MLPH: variants seen among roughly 807,000 people sequenced by gnomAD.
The protein encoded by MLPH is exophilin-3.
Under a neutral mutation model 72.1 loss-of-function variants are expected in MLPH, and 51 were observed. The observed-to-expected ratio is 0.71, with a 90% CI of 0.56 to 0.89. The LOEUF is 0.89. Ranked by LOEUF, MLPH falls within the 40% of genes least tolerant of loss-of-function variation. The pLI, the probability that MLPH is intolerant of heterozygous loss-of-function variation, is 0.00. For synonymous variants in MLPH, 301 were observed against 310.1 expected (o/e 0.97, Z 0.31); for missense variants, 743 against 759.9 (o/e 0.98, Z 0.26).
At chr2:237,504,297 A>G (rs2079715959) in intron 2 of MLPH, among the ~76,000 whole-genome samples, 1 of 151,816 alleles carries the variant, frequency 6.6e-6, no homozygotes, top group African/African-American at 2.4e-5. Flanking sequence ...GCTCACTGCA[A>G]CCTCCACCTC....
At chr2:237,493,630 G>T (rs921975183) in intron 2 of MLPH, 94 bp downstream of exon 2, 1 of 884,422 alleles carries the variant, frequency 1.1e-6, no homozygotes, top group African/African-American at 1.6e-5. Context: ...CAACAGCCAC[G>T]TGCAGGGTGA....
At position 237,527,498 on chromosome 2, in the gene MLPH, G is replaced by A; in HGVS notation, c.1002G>A (p.Arg334=). The part of the protein sequence containing the change: ...MASHHSKRRG[R]ASSESQIFEL... Reference sequence around the variant, plus strand: ...CCCACCATTCCAAGCGGAGAGGCCGGGCGTCTTCTGAGAGTCAGGTAACGG... The same window carrying A: ...CCCACCATTCCAAGCGGAGAGGCCGAGCGTCTTCTGAGAGTCAGGTAACGG... The change falls in exon 8 of 16, where the codon CGG becomes CGA. Residue 334 remains arginine (R), a synonymous_variant. Transcript: ENST00000264605. 6.2e-7 allele frequency: 1 copy of A among 1,614,136 alleles called. No homozygotes were observed. The highest frequency in any genetic ancestry group is 2.2e-5 in the East Asian group (1 of 44,886).
chr2:237,508,387 C>G (rs1332806345), intron 2 of MLPH, among the ~76,000 whole-genome samples: 1 of 152,176 alleles, frequency 6.6e-6, no homozygotes, highest in East Asian at 1.9e-4. Context: ...GATGGGATTA[C>G]AGGTGTGAGC....
intron 14 of MLPH, among the ~76,000 whole-genome samples, chr2:237,549,802 C>T (rs116694076): frequency 3.6e-3 from 551 of 152,250 alleles, no homozygotes; most frequent in Admixed American, 6.5e-3. Context: ...CCTCTGCTGT[C>T]GAGCTGTTTC....
rs2080686078 is a variant in MLPH at position 237,541,554 on chromosome 2, A to C, written c.1446+597A>C. ...CTCCTCCACTTCCCTTCTCATCAGC[A>C]GGTGCCTGTCACTCCCTAAGGACAA... is the stretch of plus-strand genomic sequence containing the variant. On this transcript the variant is annotated intron_variant, in intron 11 of 15. Coordinates refer to ENST00000264605, the MANE Select transcript of MLPH (RefSeq NM_024101.7). This position sits in a 1 kb window ranked among gnomAD's most constrained non-coding sequence, Gnocchi z 5.1. Among the ~76,000 whole-genome samples the C allele has an allele frequency of 6.6e-6, 1 of 152,196 alleles. No homozygotes were observed.
In MLPH at chr2:237,522,016, A is replaced by G. The variant is rs377572323; in HGVS notation, c.675+1987A>G. Among the ~76,000 whole-genome samples the G allele has an allele frequency of 1.9e-4, 8 of 42,122 alleles. No individual in the cohort carries two copies. In the East Asian group the frequency reaches 2.4e-3, roughly 12 times the overall value. The allele number at this position is 42,122 out of a possible 152,430, so 27.6% of individuals were successfully genotyped here. On this transcript the variant is annotated intron_variant, in intron 6 of 15. Transcript: ENST00000264605. ...GGAGCTGGGCTGAGACTGGGGTTGG[A>G]CCTTCAAACACCTGCTACAACTATA...
intron 9 of MLPH, among the ~76,000 whole-genome samples, chr2:237,539,236 G>A (rs948756593): frequency 2.6e-5 from 4 of 152,206 alleles, no homozygotes; most frequent in African/African-American, 9.7e-5. Flanking sequence ...AGGTGGGGGT[G>A]AGGCAGCAGG....
intron 2 of MLPH, among the ~76,000 whole-genome samples, chr2:237,503,213 C>T (rs559358766): frequency 1.2e-4 from 18 of 152,240 alleles, no homozygotes; most frequent in African/African-American, 4.3e-4. Flanking sequence ...ATCACGGACA[C>T]AGGCAACTCT....
At chr2:237,537,041 A>G (rs1426752800) in intron 9 of MLPH, among the ~76,000 whole-genome samples, 2 of 152,216 alleles carry the variant, frequency 1.3e-5, no homozygotes, top group Admixed American at 1.3e-4. Flanking sequence ...TGGGCCATCA[A>G]GGAGCTGGAC....
At position 237,541,903 on chromosome 2, in the gene MLPH, G is replaced by A. The variant is rs114383668; in HGVS notation, c.1447-664G>A. On this transcript the variant is annotated intron_variant, in intron 11 of 15. Coordinates refer to ENST00000264605, the MANE Select transcript of MLPH (RefSeq NM_024101.7). The surrounding 1 kb of genome is among the most constrained non-coding windows in gnomAD (Gnocchi z 5.1). ...GGCAGTCAGGAGGGATACTAGGAAAGTAAGCCAGCCTGGCAAATCCAGGGG... is the reference window on the plus strand; with the variant it reads ...GGCAGTCAGGAGGGATACTAGGAAAATAAGCCAGCCTGGCAAATCCAGGGG... Among the ~76,000 whole-genome samples the A allele has an allele frequency of 1.3e-3, 205 of 152,374 alleles. No individual in the cohort carries two copies. The highest frequency in any genetic ancestry group is 4.6e-3 in the African/African-American group (191 of 41,598).
chr2:237,545,188 CACAGTGGTGAGTGGGG>C (rs2080882125), intron 12 of MLPH, among the ~76,000 whole-genome samples: 3 of 8,744 alleles, frequency 3.4e-4, no homozygotes, highest in Non-Finnish European at 1.8e-4. Context: ...GAGTGGAGGG[CACAGTGGTGAGTGGGG>C]ACAGTGGTGA....
Position 237,510,265 on chromosome 2 carries a change from C to G in MLPH, c.111-309C>G, listed in dbSNP as rs892356476. On this transcript the variant is annotated intron_variant, in intron 2 of 15. Coordinates refer to ENST00000264605, the MANE Select transcript of MLPH (RefSeq NM_024101.7). This position sits in a 1 kb window ranked among gnomAD's most constrained non-coding sequence, Gnocchi z 4.4. ...GACTGCCCTGGGGAGGGCGCAGTGA[C>G]CTGCCAACCAAAATTGGTACAATTG... The G allele has an allele frequency of 2.4e-6, 1 of 418,250 alleles. No homozygotes were observed. Among genetic ancestry groups the G allele is most frequent in the East Asian group, 5.2e-5 (1 of 19,144 alleles). 25.9% of individuals were successfully genotyped at this position (418,250 alleles called of 1,614,324 possible).
intron 10 of MLPH, 122 bp from the exon 11 acceptor site, chr2:237,540,680 G>A (rs987273894): frequency 1.4e-5 from 21 of 1,510,736 alleles, no homozygotes; most frequent in Admixed American, 7.8e-5. Context: ...GCGGGTGGCC[G>A]GCTCCTGACC....
chr2:237,515,105 A>G (rs2106305507), intron 4 of MLPH, among the ~76,000 whole-genome samples: 1 of 152,308 alleles, frequency 6.6e-6, no homozygotes, highest in Admixed American at 6.5e-5. Flanking sequence ...ACCCATGTAA[A>G]AGATCACTGC....
intron 13 of MLPH, 115 bp from the exon 14 acceptor site, chr2:237,549,106 A>G (rs2080980557): frequency 1.1e-6 from 1 of 899,058 alleles, no homozygotes; most frequent in East Asian, 2.6e-5. Context: ...TAGAGAGCAG[A>G]AAATAGTGGC....
chr2:237,531,209 C>T (rs1452238302), intron 8 of MLPH, among the ~76,000 whole-genome samples: 1 of 152,190 alleles, frequency 6.6e-6, no homozygotes, highest in African/African-American at 2.4e-5. Flanking sequence ...CAGGAAGTGG[C>T]TTTCTTGACA....
intron 12 of MLPH, among the ~76,000 whole-genome samples, chr2:237,546,007 T>C (rs1382400749): frequency 1.3e-5 from 2 of 152,152 alleles, no homozygotes. Flanking sequence ...TGGTTAGGGG[T>C]ACAATTTGCT....
chr2:237,525,449 C>A, intron 6 of MLPH, 152 bp from the exon 7 acceptor site: 1 of 714,630 alleles, frequency 1.4e-6, no homozygotes, highest in Non-Finnish European at 2.4e-6. Flanking sequence ...TTAAACAGAA[C>A]TGAGTGGCAG....
intron 2 of MLPH, among the ~76,000 whole-genome samples, chr2:237,497,839 G>T (rs1332111302): frequency 1.3e-5 from 2 of 152,200 alleles, no homozygotes; most frequent in African/African-American, 4.8e-5. Context: ...CATCCTCGGG[G>T]TCCTCATGTC....
Sources: gnomAD v4.1 joint callset for allele counts (sites outside exome capture counted in the v4.1 genomes callset) on GRCh38, gnomAD v4.1.1 for gene constraint, Gnocchi (gnomAD v3.1) non-coding constraint, MANE v1.5 for transcripts, NCBI Gene and HGNC (gene_info 2026-07-23, HGNC 2026-07-21) for gene names.